MGAT4C: variants seen among roughly 807,000 people sequenced by gnomAD.
The protein encoded by MGAT4C is MGAT4 family member C, also known as alpha-1,3-mannosyl-glycoprotein 4-beta-N-acetylglucosaminyltransferase C.
A neutral mutation model predicts 40.1 loss-of-function variants in MGAT4C; 19 were observed. The observed-to-expected ratio is 0.47, with a 90% CI of 0.33 to 0.70. The LOEUF (loss-of-function observed/expected upper bound fraction) is 0.70. Ranked by LOEUF, MGAT4C falls within the 30% of genes least tolerant of loss-of-function variation. The pLI is 0.02. For synonymous variants in MGAT4C, 181 were observed against 187.1 expected (o/e 0.97, Z 0.27); for missense variants, 491 against 563.2 (o/e 0.87, Z 1.30).
chr12:86,315,745 A>C (rs75886594), intron 4 of MGAT4C, among the ~76,000 whole-genome samples: 5,698 of 151,954 alleles, frequency 0.037, 302 homozygotes, highest in African/African-American at 0.12. Flanking sequence ...ATCCTACAAG[A>C]AAACCTAGGA....
chr12:86,322,238 G>C (rs7980161), intron 4 of MGAT4C, among the ~76,000 whole-genome samples: 1 of 109,072 alleles, frequency 9.2e-6, no homozygotes, highest in African/African-American at 3.4e-5. Context: ...TGGGGGGAGG[G>C]GGGAGGGAGA....
At chr12:86,013,110 C>G (rs1425901428) in intron 2 of MGAT4C, among the ~76,000 whole-genome samples, 2 of 152,136 alleles carry the variant, frequency 1.3e-5, no homozygotes, top group Non-Finnish European at 2.9e-5. Flanking sequence ...ACAGCCTGGG[C>G]AAAAGAGAAG....
chr12:86,139,969 A>G (rs2135735740), intron 1 of MGAT4C, among the ~76,000 whole-genome samples: 1 of 152,282 alleles, frequency 6.6e-6, no homozygotes, highest in African/African-American at 2.4e-5. Context: ...ATGGTTTCTC[A>G]ATGATCCTAA....
At chr12:86,019,826 T>C (rs1392461942) in intron 2 of MGAT4C, among the ~76,000 whole-genome samples, 1 of 152,196 alleles carries the variant, frequency 6.6e-6, no homozygotes, top group Admixed American at 6.5e-5. Context: ...CCCATGAGCA[T>C]GGAATGTTCT....
At chr12:86,690,033 A>G (rs891926921) in intron 2 of MGAT4C, among the ~76,000 whole-genome samples, 1 of 152,148 alleles carries the variant, frequency 6.6e-6, no homozygotes, top group South Asian at 2.1e-4. Flanking sequence ...GACTCTAGAG[A>G]GGCAGTCTGG....
chr12:86,030,133 G>A (rs1890608607), intron 2 of MGAT4C, among the ~76,000 whole-genome samples: 2 of 151,674 alleles, frequency 1.3e-5, no homozygotes, highest in Non-Finnish European at 3.0e-5. Flanking sequence ...TTTTACAAGA[G>A]AGACACAGGA....
intron 1 of MGAT4C, among the ~76,000 whole-genome samples, chr12:86,774,955 C>T (rs1488459289): frequency 2.6e-5 from 4 of 152,000 alleles, no homozygotes; most frequent in South Asian, 4.1e-4. Context: ...ATAGATTATC[C>T]GTAGGTCAAG....
At chr12:86,198,886 G>T (rs753188195) in intron 1 of MGAT4C, among the ~76,000 whole-genome samples, 1 of 152,108 alleles carries the variant, frequency 6.6e-6, no homozygotes, top group Non-Finnish European at 1.5e-5. Context: ...ATCACATATG[G>T]CTCACGCTAG....
chr12:86,347,261 G>A (rs998042425), intron 3 of MGAT4C, among the ~76,000 whole-genome samples: 1 of 151,728 alleles, frequency 6.6e-6, no homozygotes, highest in Non-Finnish European at 1.5e-5. Context: ...TTAAAAACAC[G>A]GCCACATTAA....
At chr12:86,432,642 T>C (rs1957062715) in intron 3 of MGAT4C, among the ~76,000 whole-genome samples, 1 of 151,924 alleles carries the variant, frequency 6.6e-6, no homozygotes, top group South Asian at 2.1e-4. Flanking sequence ...GGGGAACCCA[T>C]TAAATAATCT....
At chr12:86,303,627 C>T (rs1362152427) in intron 4 of MGAT4C, among the ~76,000 whole-genome samples, 1 of 149,888 alleles carries the variant, frequency 6.7e-6, no homozygotes, top group African/African-American at 2.5e-5. Context: ...TCTCTGGCCT[C>T]ATCAAGCTAT....
intron 1 of MGAT4C, among the ~76,000 whole-genome samples, chr12:86,165,045 T>C (rs560980799): frequency 2.6e-5 from 4 of 152,170 alleles, no homozygotes; most frequent in Non-Finnish European, 5.9e-5. Flanking sequence ...TATTAAATTT[T>C]GAATATGATA....
At chr12:86,311,862 C>T (rs1954085162) in intron 4 of MGAT4C, among the ~76,000 whole-genome samples, 1 of 152,232 alleles carries the variant, frequency 6.6e-6, no homozygotes. Context: ...ACAGATACCA[C>T]TGGCACTCTC....
At chr12:86,232,863 C>G (rs1339858465) in intron 1 of MGAT4C, among the ~76,000 whole-genome samples, 1 of 152,206 alleles carries the variant, frequency 6.6e-6, no homozygotes, top group Non-Finnish European at 1.5e-5. Flanking sequence ...TCACCACTTG[C>G]TAACACAGAA....
intron 2 of MGAT4C, among the ~76,000 whole-genome samples, chr12:86,473,855 T>A (rs1410850669): frequency 2.0e-5 from 3 of 152,142 alleles, no homozygotes; most frequent in African/African-American, 4.8e-5. Flanking sequence ...TCAAATATAC[T>A]TGAGACATGA....
chr12:86,596,033 G>C (rs1235701916), intron 2 of MGAT4C, among the ~76,000 whole-genome samples: 2 of 151,912 alleles, frequency 1.3e-5, no homozygotes, highest in Admixed American at 6.6e-5. Context: ...TTAATTTACA[G>C]GGCTTTGACT....
At chr12:86,398,800 C>T (rs779711333) in intron 3 of MGAT4C, among the ~76,000 whole-genome samples, 37 of 151,924 alleles carry the variant, frequency 2.4e-4, no homozygotes, top group Non-Finnish European at 2.9e-4. Flanking sequence ...ATCTCACCTA[C>T]TTTGTTTGAT....
rs978800651 is a variant in MGAT4C, at chr12:86,768,953, C to T, written c.-261-41712G>A. ...TAGGCATTACCATGCAGGACATAGG[C>T]ATGGGCAAGGACTTCATGTCTAAAA... On this transcript the variant is annotated intron_variant, in intron 1 of 7. Coordinates refer to the MGAT4C transcript ENST00000548651. Among the ~76,000 whole-genome samples the T allele has an allele frequency of 3.5e-4, 53 of 152,038 alleles. 1 individual carries two copies. The highest frequency in any genetic ancestry group is 5.7e-4 in the Non-Finnish European group (39 of 67,994).
intron 2 of MGAT4C, among the ~76,000 whole-genome samples, chr12:86,692,300 T>C (rs1164029163): frequency 6.6e-6 from 1 of 152,128 alleles, no homozygotes; most frequent in African/African-American, 2.4e-5. Context: ...AATATCACAG[T>C]ACGTACATAG....
Sources: gnomAD v4.1 joint callset for allele counts (sites outside exome capture counted in the v4.1 genomes callset) on GRCh38, gnomAD v4.1.1 for gene constraint, MANE v1.5 for transcripts, NCBI Gene and HGNC (gene_info 2026-07-23, HGNC 2026-07-21) for gene names.